Variants in LHFPL2 observed in about 807,000 individuals in gnomAD.
LHFPL2 encodes LHFPL tetraspan subfamily member 2 protein.
In LHFPL2, 7 loss-of-function variants were observed where a neutral mutation model predicts 17.5. The ratio of observed to expected loss-of-function variants is 0.40; its 90% confidence interval spans 0.23 to 0.75. LHFPL2 has a LOEUF of 0.75. Ranked by LOEUF, LHFPL2 falls within the 30% of genes least tolerant of loss-of-function variation. The probability of loss-of-function intolerance (pLI) is 0.37; values close to 1 mark genes in which losing one functional copy is unlikely to be tolerated. For missense variants in LHFPL2, 241 were observed against 294.8 expected (o/e 0.82, Z 1.34); for synonymous variants, 134 against 116.2 (o/e 1.15, Z -0.99).
chr5:78,513,424 C>A lies in LHFPL2; in HGVS notation c.-185-3026G>T, dbSNP rs150930380. Among the ~76,000 whole-genome samples, 6 of 152,296 alleles carry A rather than the reference C, an allele frequency of 3.9e-5. No homozygotes were observed. In the East Asian group the frequency reaches 1.2e-3, roughly 29 times the overall value. On this transcript the variant is annotated intron_variant, in intron 3 of 4. Transcript: ENST00000380345. ...CATACAAGATTGGCTGGGATAAGGG[C>A]TTCATTCTTCTGTTTTCAATAGGGG...
intron 4 of LHFPL2, among the ~76,000 whole-genome samples, chr5:78,507,632 G>C (rs1156270909): frequency 6.6e-6 from 1 of 152,138 alleles, no homozygotes; most frequent in Non-Finnish European, 1.5e-5. Context: ...ATGGCCACTG[G>C]TTTGCTCGAA....
intron 4 of LHFPL2, among the ~76,000 whole-genome samples, chr5:78,498,968 C>T (rs1229036735): frequency 6.6e-6 from 1 of 152,114 alleles, no homozygotes; most frequent in Non-Finnish European, 1.5e-5. Context: ...AAAGAGTGTT[C>T]CTATTCCTCA....
At position 78,509,967 on chromosome 5, in the gene LHFPL2, C is replaced by G; in HGVS notation, c.247G>C (p.Gly83Arg). 6.2e-7 allele frequency: 1 copy of G among 1,613,864 alleles called. No homozygotes were observed. Among genetic ancestry groups the G allele is most frequent in the Non-Finnish European group, 8.5e-7 (1 of 1,179,984 alleles). ...TCGCCGAAGCTCTCGGCGTAGGGCC[C>G]GCACAGCGTGTCCCGCTGGAAGTGC... is the stretch of plus-strand genomic sequence containing the variant. ...VQHFQRDTLC[G>R]PYAESFGEIA... The change falls in exon 4 of 5, where the codon GGG becomes CGG. Residue 83 changes from glycine (G) to arginine (R), a missense_variant. By Grantham distance (125) the Gly-to-Arg change is moderately radical. Transcript: ENST00000380345.
chr5:78,519,188 G>C (rs1051946010), intron 3 of LHFPL2, among the ~76,000 whole-genome samples: 1 of 152,028 alleles, frequency 6.6e-6, no homozygotes, highest in African/African-American at 2.4e-5. Context: ...AGAGAGCCTG[G>C]GGGAATCCAC....
At chr5:78,633,297 C>T (rs1745318338) in intron 1 of LHFPL2, among the ~76,000 whole-genome samples, 1 of 152,220 alleles carries the variant, frequency 6.6e-6, no homozygotes. Flanking sequence ...GCCCAGGTTC[C>T]TCCAGCATGA....
chr5:78,601,815 AAGTCATTTCCCTC>A (rs1320536398), intron 2 of LHFPL2, among the ~76,000 whole-genome samples: 1 of 152,122 alleles, frequency 6.6e-6, no homozygotes, highest in African/African-American at 2.4e-5. Context: ...CTTCATGGGA[AAGTCATTTCCCTC>A]AGAGCCTGTG....
intron 3 of LHFPL2, among the ~76,000 whole-genome samples, chr5:78,552,905 C>T (rs1171485412): frequency 6.6e-5 from 10 of 152,164 alleles, no homozygotes; most frequent in South Asian, 4.1e-4. Context: ...TTGTTGGTTT[C>T]GCTATCCAAA....
chr5:78,509,786 G>C lies in LHFPL2; in HGVS notation c.428C>G (p.Ala143Gly). Reference sequence around the variant, plus strand: ...TGCCCGGGGTCCTGCCTTCTTACCTGCAATTCCTTGCAACAGCCCACAGAC... The same window carrying C: ...TGCCCGGGGTCCTGCCTTCTTACCTCCAATTCCTTGCAACAGCCCACAGAC... ...FNVCGLLQGI[A>G]GLFLILGLIL... is the part of the protein sequence containing the mutation. Residue 143 changes from alanine to glycine, a missense_variant and splice_region_variant, in exon 4 of 5, where the codon GCA (alanine) becomes GGA (glycine). Transcript: ENST00000380345. The C allele has an allele frequency of 6.2e-7, 1 of 1,608,708 alleles. No individual in the cohort carries two copies. The highest frequency in any genetic ancestry group is 8.5e-7 in the Non-Finnish European group (1 of 1,175,572).
intron 3 of LHFPL2, among the ~76,000 whole-genome samples, chr5:78,525,778 T>C (rs1429478246): frequency 1.3e-5 from 2 of 152,126 alleles, no homozygotes; most frequent in Non-Finnish European, 1.5e-5. Context: ...ACATGCTGCG[T>C]TTGGGAATAG....
intron 2 of LHFPL2, among the ~76,000 whole-genome samples, chr5:78,596,048 ATTCT>A (rs1229141425): frequency 1.3e-5 from 2 of 152,206 alleles, no homozygotes; most frequent in African/African-American, 4.8e-5. Flanking sequence ...AAGTCAAAAC[ATTCT>A]TTCATCAGTT....
chr5:78,585,067 C>T (rs1336249441), intron 2 of LHFPL2, among the ~76,000 whole-genome samples: 1 of 81,492 alleles, frequency 1.2e-5, no homozygotes, highest in Non-Finnish European at 2.5e-5. Flanking sequence ...AGTGCAGTGG[C>T]GGGATCTCGG....
chr5:78,575,938 T>C (rs1757119895), intron 2 of LHFPL2, among the ~76,000 whole-genome samples: 1 of 152,206 alleles, frequency 6.6e-6, no homozygotes, highest in Non-Finnish European at 1.5e-5. Flanking sequence ...CTGTCACCTA[T>C]GCTGGAGCGC....
At chr5:78,511,301 G>A (rs577149988) in intron 3 of LHFPL2, among the ~76,000 whole-genome samples, 16 of 152,304 alleles carry the variant, frequency 1.1e-4, no homozygotes, top group African/African-American at 3.6e-4. Context: ...ACCCCAGGTC[G>A]GGAACTCAAC....
intron 3 of LHFPL2, among the ~76,000 whole-genome samples, chr5:78,527,699 T>C (rs893132434): frequency 6.6e-6 from 1 of 152,008 alleles, no homozygotes; most frequent in African/African-American, 2.4e-5. Flanking sequence ...AAAAAAAGAT[T>C]GTGAAATTTT....
At chr5:78,496,503 G>T (rs955248776) in intron 4 of LHFPL2, among the ~76,000 whole-genome samples, 6 of 152,140 alleles carry the variant, frequency 3.9e-5, no homozygotes, top group African/African-American at 1.4e-4. Context: ...CTAGTGTTTT[G>T]TGTTGGTCTG....
At chr5:78,520,612 C>T (rs954586444) in intron 3 of LHFPL2, among the ~76,000 whole-genome samples, 8 of 152,218 alleles carry the variant, frequency 5.3e-5, no homozygotes, top group Non-Finnish European at 8.8e-5. Context: ...AACGGACAGC[C>T]GTGGCTGATG....
intron 2 of LHFPL2, among the ~76,000 whole-genome samples, chr5:78,591,132 G>C (rs1400753503): frequency 6.6e-6 from 1 of 152,164 alleles, no homozygotes; most frequent in Non-Finnish European, 1.5e-5. Context: ...CTCAGGCTTA[G>C]TCCCTATCTA....
intron 4 of LHFPL2, among the ~76,000 whole-genome samples, chr5:78,505,058 A>C (rs1288267922): frequency 1.3e-5 from 2 of 152,258 alleles, no homozygotes; most frequent in Admixed American, 1.3e-4. Context: ...AGCTCAGTTT[A>C]ATGGCTTCGG....
At chr5:78,587,661 T>TA (rs1458517309) in intron 2 of LHFPL2, among the ~76,000 whole-genome samples, 2 of 152,280 alleles carry the variant, frequency 1.3e-5, no homozygotes, top group African/African-American at 2.4e-5. Context: ...GATCCCCAGC[T>TA]ACAGGACAAA....
Sources: allele counts gnomAD v4.1 joint callset (sites outside exome capture counted in the v4.1 genomes callset), GRCh38; gene constraint gnomAD v4.1.1; transcripts MANE v1.5; gene names NCBI Gene and HGNC (gene_info 2026-07-23, HGNC 2026-07-21).